The following HAUS2 variants were observed in gnomAD, a reference collection of about 807,000 sequenced individuals.
The protein encoded by HAUS2 is HAUS augmin-like complex subunit 2.
In HAUS2, 20 loss-of-function variants were observed where a neutral mutation model predicts 21.6. The ratio of observed to expected loss-of-function variants is 0.93; its 90% CI spans 0.65 to 1.35. The LOEUF (loss-of-function observed/expected upper bound fraction) is 1.35. Among genes scored for constraint, HAUS2 ranks in the 40% most tolerant of loss-of-function variants. The probability of loss-of-function intolerance (pLI) is 0.00; values close to 1 mark genes in which losing one functional copy is unlikely to be tolerated. For missense variants in HAUS2, 297 were observed against 280.7 expected (o/e 1.06, Z -0.42); for synonymous variants, 113 against 95.6 (o/e 1.18, Z -1.06).
chr15:42,566,698 T>G lies in HAUS2; in HGVS notation c.590T>G (p.Val197Gly). The G allele has an allele frequency of 6.3e-7, 1 of 1,589,512 alleles. No individual in the cohort carries two copies. Among genetic ancestry groups the G allele is most frequent in the Non-Finnish European group, 8.6e-7 (1 of 1,157,736 alleles). The change falls in exon 6 of 6, where the codon GTT becomes GGT. Residue 197 changes from valine to glycine, a missense_variant. Physicochemically the swap from Val to Gly is moderately radical, Grantham distance 109. Coordinates refer to ENST00000260372, the MANE Select transcript of HAUS2 (RefSeq NM_018097.3). ...ILKWRKQQNE[V>G]SSCIPKILAE... ...AAGTGGCGTAAACAACAAAACGAAG[T>G]TTCGTCTTGTATCCCCAAAATATTA...
At chr15:42,561,189 G>A (rs558953287) in intron 3 of HAUS2, 81 bp from the exon 4 acceptor site, 20 of 835,470 alleles carry the variant, frequency 2.4e-5, no homozygotes, top group Non-Finnish European at 3.6e-5. Flanking sequence ...GACATGGGTA[G>A]TGTCAAACCA....
chr15:42,555,571 C>T lies in HAUS2; in HGVS notation c.94-2627C>T, dbSNP rs2057764508. On this transcript the variant is annotated intron_variant, in intron 1 of 5. Transcript: ENST00000260372. ...ATGTTGGAGACTATGTTTTCAGCTA[C>T]ATCTTACCCCTCTTTTCACATATAT... Among the ~76,000 whole-genome samples, 6 of 152,328 alleles carry T rather than the reference C, an allele frequency of 3.9e-5. No homozygotes were observed. The South Asian group carries it at 1.2e-3, about 32-fold the overall frequency.
chr15:42,562,142 G>A (rs1173000233), intron 4 of HAUS2, among the ~76,000 whole-genome samples: 2 of 152,216 alleles, frequency 1.3e-5, no homozygotes, highest in Non-Finnish European at 2.9e-5. Context: ...GGGTGACAGA[G>A]TGAGACCCTG....
rs992310427 is a variant in HAUS2 at position 42,558,258 on chromosome 15, C to T, written c.154C>T (p.Gln52Ter). ...SCFVNFTRLQ[Q>*]ITNIQAEIYQ... ...TTTTGTGAACTTCACCAGACTACAGCAGATCACAAATATTCAAGCTGAAAT... is the reference window on the plus strand; with the variant it reads ...TTTTGTGAACTTCACCAGACTACAGTAGATCACAAATATTCAAGCTGAAAT... Residue 52 changes from glutamine to a stop codon, truncating the protein, a stop_gained, in exon 2 of 6, where the codon CAG (glutamine) becomes TAG (stop). Coordinates refer to ENST00000260372, the MANE Select transcript of HAUS2 (RefSeq NM_018097.3). LOFTEE classifies it high-confidence loss of function. 1 of 1,474,128 alleles carries T rather than the reference C, an allele frequency of 6.8e-7. No homozygotes were observed. Among genetic ancestry groups the T allele is most frequent in the South Asian group, 1.2e-5 (1 of 84,778 alleles). 91.3% of individuals were successfully genotyped at this position (1,474,128 alleles called of 1,614,324 possible).
rs1426389422 is a variant in HAUS2, at chr15:42,558,267, A to C, written c.163A>C (p.Asn55His). The change falls in exon 2 of 6, where the codon AAT becomes CAT. Residue 55 changes from asparagine (N) to histidine (H), a missense_variant. By Grantham distance (68) the Asn-to-His change is moderately conservative. Coordinates refer to ENST00000260372, the MANE Select transcript of HAUS2 (RefSeq NM_018097.3). ...VNFTRLQQIT[N>H]IQAEIYQKNL... Reference sequence around the variant, plus strand: ...CTTCACCAGACTACAGCAGATCACAAATATTCAAGCTGAAATCTACCAGGT... The same window carrying C: ...CTTCACCAGACTACAGCAGATCACACATATTCAAGCTGAAATCTACCAGGT... 2 of 1,453,006 alleles carry C rather than the reference A, an allele frequency of 1.4e-6. No individual in the cohort carries two copies. Among genetic ancestry groups the C allele is most frequent in the Admixed American group, 1.7e-5 (1 of 57,416 alleles). The allele number at this position is 1,453,006 out of a possible 1,614,324, so 90.0% of individuals were successfully genotyped here.
Position 42,569,092 on chromosome 15 carries a change from T to G in HAUS2, c.*2276T>G, listed in dbSNP as rs2057934041. ...CACACTGTGGTATAACTTTGGAGGT[T>G]TACCTTGCAAAATGCTCAGATATTT... On this transcript the variant is annotated 3_prime_UTR_variant, in exon 6 of 6. Transcript: ENST00000260372. 1 of 152,104 alleles carries G rather than the reference T, an allele frequency of 6.6e-6. No homozygotes were observed. Among genetic ancestry groups the G allele is most frequent in the African/African-American group, 2.4e-5 (1 of 41,416 alleles). 9.4% of individuals were successfully genotyped at this position (152,104 alleles called of 1,614,324 possible).
chr15:42,558,077 A>C (rs969916572), intron 1 of HAUS2, 121 bp from the exon 2 acceptor site: 2 of 594,388 alleles, frequency 3.4e-6, no homozygotes, highest in East Asian at 6.5e-5. Flanking sequence ...TTTGTACTTC[A>C]TGTTCAAAGG....
At position 42,569,210 on chromosome 15, in the gene HAUS2, T is replaced by TTGGCTTA; in HGVS notation, c.*2396_*2402dup. ...TTTTTAATCAGTATTGTAACTAACCTTGGCTTATTTTACTTTTAGACTTGG... is the reference window on the plus strand; with the variant it reads ...TTTTTAATCAGTATTGTAACTAACCTTGGCTTATGGCTTATTTTACTTTTAGACTTGG... On this transcript the variant is annotated 3_prime_UTR_variant, in exon 6 of 6. Coordinates refer to ENST00000260372, the MANE Select transcript of HAUS2 (RefSeq NM_018097.3). 6.6e-6 allele frequency: 1 copy of TTGGCTTA among 152,350 alleles called. No individual in the cohort carries two copies. The highest frequency in any genetic ancestry group is 2.1e-4 in the South Asian group (1 of 4,832). 9.4% of individuals were successfully genotyped at this position (152,350 alleles called of 1,614,324 possible).
At chr15:42,551,376 C>G (rs755230043) in intron 1 of HAUS2, among the ~76,000 whole-genome samples, 1 of 151,976 alleles carries the variant, frequency 6.6e-6, no homozygotes, top group Non-Finnish European at 1.5e-5. Context: ...TTTGAGGGTT[C>G]ACTCCTGTAA....
chr15:42,557,944 C>T (rs1192564659), intron 1 of HAUS2, among the ~76,000 whole-genome samples: 2 of 151,906 alleles, frequency 1.3e-5, no homozygotes, highest in East Asian at 3.9e-4. Flanking sequence ...TGTATGGTAC[C>T]TTAGGAAATA....
At chr15:42,559,745 C>A (rs561609399) in intron 3 of HAUS2, among the ~76,000 whole-genome samples, 1 of 152,230 alleles carries the variant, frequency 6.6e-6, no homozygotes, top group African/African-American at 2.4e-5. Context: ...ATGGGGTCTT[C>A]CTATGTTGCC....
In HAUS2 at chr15:42,566,694, G is replaced by A. The variant is rs780022759; in HGVS notation, c.586G>A (p.Glu196Lys). 2.9e-5 allele frequency: 47 copies of A among 1,598,780 alleles called. No homozygotes were observed. In the East Asian group the frequency reaches 9.6e-4, roughly 33 times the overall value. Residue 196 changes from glutamate to lysine, a missense_variant, in exon 6 of 6, where the codon GAA becomes AAA. By Grantham distance (56) the Glu-to-Lys change is moderately conservative (BLOSUM62 1). Coordinates refer to ENST00000260372, the MANE Select transcript of HAUS2 (RefSeq NM_018097.3). ...NILKWRKQQN[E>K]VSSCIPKILA... is the part of the protein sequence containing the mutation. ...ACTCAAGTGGCGTAAACAACAAAAC[G>A]AAGTTTCGTCTTGTATCCCCAAAAT...
intron 5 of HAUS2, among the ~76,000 whole-genome samples, chr15:42,565,981 T>A (rs1197608069): frequency 1.3e-5 from 2 of 152,136 alleles, no homozygotes; most frequent in Non-Finnish European, 2.9e-5. Flanking sequence ...GGTGGGTGGA[T>A]CACGAGGTGA....
At position 42,569,699 on chromosome 15, in the gene HAUS2, C is replaced by G. The variant is rs922877193; in HGVS notation, c.*2883C>G. 3.3e-5 allele frequency: 5 copies of G among 152,148 alleles called. No individual in the cohort carries two copies. The highest frequency in any genetic ancestry group is 1.2e-4 in the African/African-American group (5 of 41,442). 9.4% of individuals were successfully genotyped at this position (152,148 alleles called of 1,614,324 possible). A position where few individuals can be genotyped will look rare whatever the true frequency, so the allele number is the denominator to read the frequency against. ...ATTACCAAAATAAATCCTGCTAAAA[C>G]AACAGGAATCATGTTTTAAAGCCTA... On this transcript the variant is annotated 3_prime_UTR_variant, in exon 6 of 6. Coordinates refer to ENST00000260372, the MANE Select transcript of HAUS2 (RefSeq NM_018097.3).
At chr15:42,558,592 G>T (rs1429028164) in intron 2 of HAUS2, among the ~76,000 whole-genome samples, 1 of 151,912 alleles carries the variant, frequency 6.6e-6, no homozygotes, top group Non-Finnish European at 1.5e-5. Context: ...CTCCCAAAGT[G>T]CTGGGATTAC....
At chr15:42,553,394 C>T (rs1005989750) in intron 1 of HAUS2, among the ~76,000 whole-genome samples, 2 of 152,044 alleles carry the variant, frequency 1.3e-5, no homozygotes. Flanking sequence ...GTTCTTTTGC[C>T]CTTTGGGGCA....
chr15:42,561,410 T>A lies in HAUS2; in HGVS notation c.389+8T>A, dbSNP rs1358596881. 3.8e-6 allele frequency: 6 copies of A among 1,591,466 alleles called. No individual in the cohort carries two copies. On this transcript the variant is annotated splice_region_variant and intron_variant, in intron 4 of 5. Transcript: ENST00000260372. ...TGAAGCTGTTTATCACAGGTTAGAC[T>A]GAAAAGTAGAAATTAACAGTTACAC... is the stretch of plus-strand genomic sequence containing the variant.
chr15:42,552,147 T>C (rs1166103014), intron 1 of HAUS2, among the ~76,000 whole-genome samples: 3 of 152,046 alleles, frequency 2.0e-5, no homozygotes, highest in Admixed American at 6.6e-5. Flanking sequence ...CTCAGCTTCC[T>C]GAGTACCTGA....
chr15:42,555,355 C>A (rs1269484225), intron 1 of HAUS2, among the ~76,000 whole-genome samples: 1 of 152,018 alleles, frequency 6.6e-6, no homozygotes, highest in East Asian at 1.9e-4. Flanking sequence ...GTCTCAAACT[C>A]CTGGGCTCAA....
Sources: allele counts gnomAD v4.1 joint callset (sites outside exome capture counted in the v4.1 genomes callset), GRCh38; gene constraint gnomAD v4.1.1; transcripts MANE v1.5; gene names NCBI Gene and HGNC (gene_info 2026-07-23, HGNC 2026-07-21).